The following NHERF2 variants were observed in gnomAD, a reference collection of about 807,000 sequenced individuals.
NHERF2 encodes the protein NHERF family PDZ scaffold protein 2.
At chr16:2,038,132 C>T in the NHERF2 span, 3 of 960,490 alleles carry the variant, frequency 3.1e-6, no homozygotes, top group East Asian at 5.3e-5. Flanking sequence ...AGCCCCCATC[C>T]TGCCCCTGCC....
the NHERF2 span, chr16:2,029,471 T>C: frequency 3.9e-6 from 4 of 1,032,876 alleles, no homozygotes; most frequent in African/African-American, 3.2e-5. Context: ...CACCCGCCCA[T>C]GCAGACCAGC....
chr16:2,033,818 C>T, the NHERF2 span, among the ~76,000 whole-genome samples: 1 of 152,176 alleles, frequency 6.6e-6, no homozygotes, highest in Non-Finnish European at 1.5e-5. Context: ...TCTGGGCCCC[C>T]CTTCCCCACG....
At chr16:2,038,059 C>T in the NHERF2 span, 2 of 1,555,556 alleles carry the variant, frequency 1.3e-6, no homozygotes, top group Non-Finnish European at 1.8e-6. Context: ...CCCGAGCTCC[C>T]CCAGCCTCAG....
the NHERF2 span, among the ~76,000 whole-genome samples, chr16:2,033,652 C>A: frequency 6.6e-6 from 1 of 152,284 alleles, no homozygotes; most frequent in South Asian, 2.1e-4. Flanking sequence ...GGCTGGGGGA[C>A]CAGGGATGGT....
At chr16:2,027,677 A>G in the NHERF2 span, among the ~76,000 whole-genome samples, 2 of 152,126 alleles carry the variant, frequency 1.3e-5, no homozygotes, top group African/African-American at 4.8e-5. Flanking sequence ...TAAAGGCATC[A>G]GTGTGTCTGC....
chr16:2,037,865 G>A, the NHERF2 span: 26 of 1,602,614 alleles, frequency 1.6e-5, no homozygotes, highest in African/African-American at 6.7e-5. Flanking sequence ...CCAGGAGAGC[G>A]GCCTCCACCT....
chr16:2,027,738 C>T, the NHERF2 span, among the ~76,000 whole-genome samples: 1 of 152,138 alleles, frequency 6.6e-6, no homozygotes, highest in Non-Finnish European at 1.5e-5. Context: ...GCACGTGTGC[C>T]TGTGTGTGTG....
the NHERF2 span, among the ~76,000 whole-genome samples, chr16:2,030,175 C>T: frequency 2.2e-3 from 342 of 152,326 alleles, 3 homozygotes; most frequent in Middle Eastern, 0.01. Flanking sequence ...GTGGCTCTGT[C>T]TTTGTCTCTG....
chr16:2,027,140 C>G, the NHERF2 span: 1 of 1,474,410 alleles, frequency 6.8e-7, no homozygotes. Flanking sequence ...GTTCCCCCGC[C>G]GAGGCCGCCG....
chr16:2,038,079 G>A, the NHERF2 span: 2 of 1,466,214 alleles, frequency 1.4e-6, no homozygotes, highest in Non-Finnish European at 1.9e-6. Flanking sequence ...GTGGACTGGA[G>A]GGTGGTCCTG....
chr16:2,035,363 T>C, the NHERF2 span: 1 of 948,536 alleles, frequency 1.1e-6, no homozygotes, highest in African/African-American at 3.2e-5. Flanking sequence ...TCCTGAGGTC[T>C]GAGCGCCCCC....
the NHERF2 span, among the ~76,000 whole-genome samples, chr16:2,033,831 C>G: frequency 6.6e-6 from 1 of 152,194 alleles, no homozygotes; most frequent in East Asian, 1.9e-4. Flanking sequence ...TCCCCACGAG[C>G]CCATGTGCTG....
chr16:2,027,907 C>T, the NHERF2 span, among the ~76,000 whole-genome samples: 3 of 152,198 alleles, frequency 2.0e-5, no homozygotes, highest in African/African-American at 7.2e-5. Context: ...TCATTGCTGG[C>T]AACCACATTC....
chr16:2,034,669 C>G, the NHERF2 span, among the ~76,000 whole-genome samples: 1 of 45,624 alleles, frequency 2.2e-5, no homozygotes. Flanking sequence ...CCTGTCCCCA[C>G]GCCTTCCCTC....
the NHERF2 span, chr16:2,036,624 T>C: frequency 1.3e-6 from 2 of 1,542,552 alleles, no homozygotes; most frequent in Non-Finnish European, 8.8e-7. Context: ...TCCTGCTGCC[T>C]CGGTGGGCGG....
chr16:2,036,320 G>A, the NHERF2 span: 50 of 1,603,992 alleles, frequency 3.1e-5, no homozygotes, highest in Non-Finnish European at 3.8e-5. Flanking sequence ...CGTTGGGCCT[G>A]CAGGATGTCA....
chr16:2,029,689 G>A, the NHERF2 span: 1 of 1,559,832 alleles, frequency 6.4e-7, no homozygotes, highest in Admixed American at 1.9e-5. Flanking sequence ...CCGAGGAGAT[G>A]GCCCAGCGAG....
the NHERF2 span, among the ~76,000 whole-genome samples, chr16:2,028,141 A>T: frequency 6.6e-6 from 1 of 152,114 alleles, no homozygotes; most frequent in Non-Finnish European, 1.5e-5. Context: ...CCCTCACAGC[A>T]CCGATGAATC....
At chr16:2,037,066 C>G in the NHERF2 span, 3 of 1,519,308 alleles carry the variant, frequency 2.0e-6, no homozygotes, top group East Asian at 4.9e-5. Context: ...CAGAGGCCCC[C>G]TTCTCCCTGG....
Sources: gnomAD v4.1 joint callset for allele counts (sites outside exome capture counted in the v4.1 genomes callset) on GRCh38, gnomAD v4.1.1 for gene constraint, MANE v1.5 for transcripts, NCBI Gene and HGNC (gene_info 2026-07-23, HGNC 2026-07-21) for gene names.